Variants in HNRNPU observed in about 807,000 individuals in gnomAD.
HNRNPU encodes the protein heterogeneous nuclear ribonucleoprotein U, also known as HNRNPU antisense RNA 1.
HNRNPU carries 5 observed loss-of-function variants against 94.7 expected under a neutral mutation model. The observed-to-expected ratio is 0.05, with a 90% CI of 0.03 to 0.11. HNRNPU has a LOEUF of 0.11. Ranked by LOEUF, HNRNPU falls within the 10% of genes least tolerant of loss-of-function variation. The pLI is 1.00. For missense variants in HNRNPU, 710 were observed against 1,049.2 expected, an observed-to-expected ratio of 0.68 and a Z score of 4.47; for synonymous variants, 434 against 381.6, an observed-to-expected ratio of 1.14 and a Z score of -1.60.
Position 244,858,549 on chromosome 1 carries a change from T to C in HNRNPU, c.1230+180A>G, listed in dbSNP as rs1391406512. ...TTTTCAGTCAAAATGAATTAGTGAG[T>C]TCCTCAAAAATGTCCTGTGTTTTCC... is the stretch of plus-strand genomic sequence containing the variant. On this transcript the variant is annotated intron_variant, in intron 6 of 13. Coordinates refer to ENST00000640218, the MANE Select transcript of HNRNPU (RefSeq NM_031844.3). The C allele has an allele frequency of 4.9e-6, 3 of 610,258 alleles. No individual in the cohort carries two copies. In the Admixed American group the frequency reaches 9.5e-5, roughly 19 times the overall value. 37.8% of individuals were successfully genotyped at this position (610,258 alleles called of 1,614,324 possible).
chr1:244,851,538 T>TA lies in HNRNPU; in HGVS notation c.*2911dup, dbSNP rs1680548956. On this transcript the variant is annotated 3_prime_UTR_variant, in exon 14 of 14. Coordinates refer to ENST00000640218, the MANE Select transcript of HNRNPU (RefSeq NM_031844.3). The stretch of plus-strand genomic sequence containing the variant: ...ACTATTATGGTTATGTTTCCTAGAA[T>TA]AATTTTATAACTTTTTCAGAGAATT... 2 of 152,248 alleles carry TA rather than the reference T, an allele frequency of 1.3e-5. No homozygotes were observed. The highest frequency in any genetic ancestry group is 6.5e-5 in the Admixed American group (1 of 15,282). The allele number at this position is 152,248 out of a possible 1,614,324, so 9.4% of individuals were successfully genotyped here.
intron 7 of HNRNPU, 130 bp downstream of exon 7, chr1:244,857,881 A>G: frequency 7.7e-7 from 1 of 1,305,464 alleles, no homozygotes; most frequent in African/African-American, 1.5e-5. Context: ...AGGGGGAAAC[A>G]ATTACTTAAG....
chr1:244,861,280 T>G (rs1680819115), intron 3 of HNRNPU: 1 of 152,228 alleles, frequency 6.6e-6, no homozygotes, highest in African/African-American at 2.4e-5. Context: ...TCAACAGAAT[T>G]TAATTCAACA....
chr1:244,856,806 C>T lies in HNRNPU; in HGVS notation c.1665G>A (p.Leu555=). Residue 555 remains leucine (L), a synonymous_variant, in exon 9 of 14, where the codon CTG becomes CTA. Transcript: ENST00000640218. ...CAAGACACTGGGGGGCTCTCTGCAA[C>T]AGTGTGTTCAGTTTTCCAGTATCTG... is the stretch of plus-strand genomic sequence containing the variant. ...QMADTGKLNT[L]LQRAPQCLGK... The T allele has an allele frequency of 6.2e-7, 1 of 1,610,666 alleles. No individual in the cohort carries two copies. The highest frequency in any genetic ancestry group is 8.5e-7 in the Non-Finnish European group (1 of 1,178,892).
chr1:244,860,521 CAT>C, intron 3 of HNRNPU, 47 bp from the exon 4 acceptor site: 1 of 1,491,686 alleles, frequency 6.7e-7, no homozygotes, highest in Non-Finnish European at 9.3e-7. Context: ...CCAATGTAAA[CAT>C]ATCTGCTATG....
At chr1:244,860,627 A>AGC in intron 3 of HNRNPU, 153 bp from the exon 4 acceptor site, 1 of 628,158 alleles carries the variant, frequency 1.6e-6, no homozygotes, top group East Asian at 2.8e-5. Flanking sequence ...TTCAGTTTAA[A>AGC]GCCCCACTCC....
chr1:244,850,308 A>C lies in HNRNPU; in HGVS notation c.*4142T>G, dbSNP rs973436442. 2.0e-5 allele frequency: 3 copies of C among 152,180 alleles called. No homozygotes were observed. Among genetic ancestry groups the C allele is most frequent in the African/African-American group, 7.2e-5 (3 of 41,434 alleles). 9.4% of individuals were successfully genotyped at this position (152,180 alleles called of 1,614,324 possible). ...CACTCCAACATGAGTTAGCTGGACA[A>C]AGTACTTTTAATGCTTATTTTACAA... On this transcript the variant is annotated 3_prime_UTR_variant, in exon 14 of 14. Coordinates refer to ENST00000640218, the MANE Select transcript of HNRNPU (RefSeq NM_031844.3).
chr1:244,864,501 G>T lies in HNRNPU; in HGVS notation c.-194C>A. 1 of 913,544 alleles carries T rather than the reference G, an allele frequency of 1.1e-6. No individual in the cohort carries two copies. Among genetic ancestry groups the T allele is most frequent in the Non-Finnish European group, 1.6e-6 (1 of 637,078 alleles). 56.6% of individuals were successfully genotyped at this position (913,544 alleles called of 1,614,324 possible). On this transcript the variant is annotated 5_prime_UTR_variant, in exon 1 of 14. Transcript: ENST00000640218. Reference sequence around the variant, plus strand: ...TTCCTTTCACCGAGTTCGCGAGGGAGACGCGGAGACTCGCCTGGCGCGAGC... The same window carrying T: ...TTCCTTTCACCGAGTTCGCGAGGGATACGCGGAGACTCGCCTGGCGCGAGC...
chr1:244,862,482 T>C lies in HNRNPU; in HGVS notation c.856A>G (p.Thr286Ala). 6.2e-7 allele frequency: 1 copy of C among 1,613,228 alleles called. No individual in the cohort carries two copies. The highest frequency in any genetic ancestry group is 8.5e-7 in the Non-Finnish European group (1 of 1,179,636). The change falls in exon 3 of 14, where the codon ACA (threonine) becomes GCA (alanine). Residue 286 changes from threonine (T) to alanine (A), a missense_variant. Thr to Ala is a moderately conservative substitution (Grantham distance 58, BLOSUM62 0). Coordinates refer to ENST00000640218, the MANE Select transcript of HNRNPU (RefSeq NM_031844.3). ...TTACAAGTATCAAGACAAACCACTGTGTCATCGAAGTGTTCATCTTCTTCT... is the reference window on the plus strand; with the variant it reads ...TTACAAGTATCAAGACAAACCACTGCGTCATCGAAGTGTTCATCTTCTTCT... ...VEEEDEHFDD[T>A]VVCLDTYNCD...
Position 244,864,401 on chromosome 1 carries a change from G to A in HNRNPU, c.-94C>T, listed in dbSNP as rs1195446061. ...GGCTGCTGCGGCTGCTCCTCGGCCC[G>A]GGCGGCGGCTGCGGCTGCGGCTGGA... On this transcript the variant is annotated 5_prime_UTR_variant, in exon 1 of 14. Coordinates refer to ENST00000640218, the MANE Select transcript of HNRNPU (RefSeq NM_031844.3). The A allele has an allele frequency of 2.5e-6, 4 of 1,572,560 alleles. No individual in the cohort carries two copies. Among genetic ancestry groups the A allele is most frequent in the South Asian group, 1.2e-5 (1 of 86,826 alleles).
At chr1:244,855,118 G>C in intron 12 of HNRNPU, 74 bp from the exon 13 acceptor site, 2 of 1,174,140 alleles carry the variant, frequency 1.7e-6, no homozygotes, top group Non-Finnish European at 2.6e-6. Context: ...AGAGAGAGGA[G>C]CAGAAATGGA....
At position 244,858,207 on chromosome 1, in the gene HNRNPU, T is replaced by C. The variant is rs370977392; in HGVS notation, c.1298A>G (p.Lys433Arg). ...TCCAGCAAGAACTTCCTTACTGATT[T>C]TGAAGGCAACGCCAAGATCTTGTCC... ...KNGQDLGVAF[K>R]ISKEVLAGRP... Residue 433 changes from lysine to arginine, a missense_variant, in exon 7 of 14, where the codon AAA (lysine) becomes AGA (arginine). This residue lies in a region of HNRNPU where 150 missense variants were observed against 187.9 expected (regional missense o/e 0.80). Transcript: ENST00000640218. The C allele has an allele frequency of 4.3e-6, 7 of 1,614,054 alleles. No individual in the cohort carries two copies. The highest frequency in any genetic ancestry group is 1.3e-5 in the African/African-American group (1 of 74,932).
Position 244,855,414 on chromosome 1 carries a change from GAAT to G in HNRNPU, c.2352+7_2352+9del. 6.2e-7 allele frequency: 1 copy of G among 1,611,172 alleles called. No homozygotes were observed. The highest frequency in any genetic ancestry group is 8.5e-7 in the Non-Finnish European group (1 of 1,178,496). The stretch of plus-strand genomic sequence containing the variant: ...TATCAATCATGCTTCCAGGGATCTT[GAAT>G]CATTACCTGGTTGTAGTTCCCTCTG... On this transcript the variant is annotated splice_region_variant and intron_variant, in intron 12 of 13. Coordinates refer to ENST00000640218, the MANE Select transcript of HNRNPU (RefSeq NM_031844.3).
rs1279754114 is a variant in HNRNPU at position 244,851,734 on chromosome 1, T to A, written c.*2716A>T. The A allele has an allele frequency of 6.6e-6, 1 of 152,188 alleles. No homozygotes were observed. Among genetic ancestry groups the A allele is most frequent in the Non-Finnish European group, 1.5e-5 (1 of 68,040 alleles). The allele number at this position is 152,188 out of a possible 1,614,324, so 9.4% of individuals were successfully genotyped here. The stretch of plus-strand genomic sequence containing the variant: ...GATTTGACTCAATTTCATGATTTCA[T>A]CTCGCTCAAGGCCATCAACCGGTCA... On this transcript the variant is annotated 3_prime_UTR_variant, in exon 14 of 14. Coordinates refer to ENST00000640218, the MANE Select transcript of HNRNPU (RefSeq NM_031844.3).
At chr1:244,856,297 C>T (rs1680680229) in intron 10 of HNRNPU, 139 bp from the exon 11 acceptor site, 1 of 1,136,722 alleles carries the variant, frequency 8.8e-7, no homozygotes, top group Admixed American at 2.4e-5. Flanking sequence ...TATGTAACAA[C>T]TGCAATTTTA....
chr1:244,862,572 T>C (rs1192093255), intron 2 of HNRNPU, 38 bp from the exon 3 acceptor site: 1 of 1,609,354 alleles, frequency 6.2e-7, no homozygotes, highest in Non-Finnish European at 8.5e-7. Flanking sequence ...AGCTTTCCGA[T>C]CAACGAACGA....
chr1:244,854,644 C>A, intron 13 of HNRNPU, 141 bp from the exon 14 acceptor site: 1 of 643,664 alleles, frequency 1.6e-6, no homozygotes, highest in South Asian at 1.9e-5. Context: ...TCTACCAAAC[C>A]AGATTTAGTT....
intron 1 of HNRNPU, chr1:244,863,081 G>C (rs1454756497): frequency 7.2e-6 from 2 of 278,934 alleles, no homozygotes; most frequent in African/African-American, 4.6e-5. Context: ...CGCTCCCCGC[G>C]GCCGCATTGT....
chr1:244,856,034 T>C lies in HNRNPU; in HGVS notation c.2037A>G (p.Pro679=), dbSNP rs1167003719. The change falls in exon 11 of 14, where the codon CCA becomes CCG. Residue 679 remains proline (P), a synonymous_variant. Coordinates refer to ENST00000640218, the MANE Select transcript of HNRNPU (RefSeq NM_031844.3). The part of the protein sequence containing the change: ...YKEESKKALP[P]EKKQNTGSKK... ...TTGAGCCAGTGTTCTGTTTCTTTTC[T>C]GGTGGAAGAGCCTTTTTGCTTTCTT... The C allele has an allele frequency of 1.2e-6, 2 of 1,614,194 alleles. No individual in the cohort carries two copies. The highest frequency in any genetic ancestry group is 1.7e-6 in the Non-Finnish European group (2 of 1,180,014).
Sources: allele counts gnomAD v4.1 joint callset, GRCh38; gene constraint gnomAD v4.1.1; regional missense constraint gnomAD v4.1.1; transcripts MANE v1.5; gene names NCBI Gene and HGNC (gene_info 2026-07-23, HGNC 2026-07-21).